Variants in SPAM1 observed in about 807,000 individuals in gnomAD.
SPAM1 encodes hyaluronidase PH-20.
Under a neutral mutation model 29.6 loss-of-function variants are expected in SPAM1, and 22 were observed. The observed-to-expected ratio is 0.74, with a 90% CI of 0.53 to 1.06. SPAM1 has a LOEUF of 1.06. Among genes scored for constraint, SPAM1 ranks in the 50% least tolerant of loss-of-function variants. The probability of loss-of-function intolerance (pLI) is 0.00; values close to 1 mark genes in which losing one functional copy is unlikely to be tolerated. For synonymous variants in SPAM1, 194 were observed against 204.6 expected (o/e 0.95, Z 0.44); for missense variants, 534 against 604.0 (o/e 0.88, Z 1.21).
intron 4 of SPAM1, among the ~76,000 whole-genome samples, chr7:123,958,700 C>T (rs1475458261): frequency 6.6e-6 from 1 of 151,788 alleles, no homozygotes. Context: ...GATCTCGTGG[C>T]ATGTGCCTAT....
chr7:123,946,920 CTTT>C (rs893863680), intron 1 of SPAM1, among the ~76,000 whole-genome samples: 1 of 152,046 alleles, frequency 6.6e-6, no homozygotes, highest in African/African-American at 2.4e-5. Flanking sequence ...AGGTGTGTAG[CTTT>C]TTTGAATTTG....
chr7:123,936,011 G>A (rs1808235422), intron 1 of SPAM1, among the ~76,000 whole-genome samples: 1 of 152,028 alleles, frequency 6.6e-6, no homozygotes, highest in African/African-American at 2.4e-5. Flanking sequence ...GCTAGGTATA[G>A]GCTTACTTAA....
At chr7:123,967,102 T>C (rs1792434758) in intron 5 of SPAM1, among the ~76,000 whole-genome samples, 2 of 151,920 alleles carry the variant, frequency 1.3e-5, no homozygotes, top group Admixed American at 6.6e-5. Context: ...TGGGCCTCGT[T>C]TATAACATAC....
intron 5 of SPAM1, among the ~76,000 whole-genome samples, chr7:123,966,571 T>C (rs11764894): frequency 0.2 from 30,951 of 151,990 alleles, 4,025 homozygotes; most frequent in African/African-American, 0.37. Flanking sequence ...ATATACACCA[T>C]GGAATACTAT....
intron 5 of SPAM1, among the ~76,000 whole-genome samples, chr7:123,966,948 A>G (rs567427933): frequency 6.6e-6 from 1 of 152,080 alleles, no homozygotes; most frequent in Non-Finnish European, 1.5e-5. Context: ...TCTGAGTGCT[A>G]TATCGTAGGG....
chr7:123,927,500 T>C (rs1807926637), intron 1 of SPAM1, among the ~76,000 whole-genome samples: 1 of 152,184 alleles, frequency 6.6e-6, no homozygotes, highest in African/African-American at 2.4e-5. Context: ...TAGGAATTTA[T>C]GCAGCTGCTT....
chr7:123,962,653 C>T (rs1313669796), downstream of SPAM1, among the ~76,000 whole-genome samples: 5 of 151,912 alleles, frequency 3.3e-5, 1 homozygote, highest in East Asian at 9.7e-4. Context: ...CAGGTCTTAA[C>T]ATTTAAGTCT....
chr7:123,951,479 C>T (rs933965698), intron 2 of SPAM1, among the ~76,000 whole-genome samples: 5 of 152,090 alleles, frequency 3.3e-5, no homozygotes, highest in African/African-American at 1.2e-4. Context: ...ATTCTCTGTT[C>T]CAAGGCTTTG....
At chr7:123,969,798 C>A (rs1792474206) in intron 5 of SPAM1, among the ~76,000 whole-genome samples, 1 of 151,102 alleles carries the variant, frequency 6.6e-6, no homozygotes, top group Admixed American at 6.6e-5. Flanking sequence ...TTTGACTCAC[C>A]CAGATTTTAA....
chr7:123,968,561 C>A (rs1388663159), intron 5 of SPAM1, among the ~76,000 whole-genome samples: 1 of 151,742 alleles, frequency 6.6e-6, no homozygotes, highest in African/African-American at 2.4e-5. Context: ...AGGTTTTGAG[C>A]ATGTTGTATT....
intron 1 of SPAM1, among the ~76,000 whole-genome samples, chr7:123,941,644 A>C (rs913262857): frequency 6.6e-6 from 1 of 152,168 alleles, no homozygotes; most frequent in African/African-American, 2.4e-5. Flanking sequence ...GGAGGTATGT[A>C]GCTTTTTACC....
At position 123,954,401 on chromosome 7, in the gene SPAM1, T is replaced by C. The variant is rs1305011353; in HGVS notation, c.831T>C (p.Tyr277=). 1.9e-6 allele frequency: 3 copies of C among 1,613,370 alleles called. No homozygotes were observed. Among genetic ancestry groups the C allele is most frequent in the Middle Eastern group, 1.6e-4 (1 of 6,080 alleles). ...TQQSPVAATL[Y]VRNRVREAIR... ...AGTCTCCTGTAGCTGCTACACTCTA[T>C]GTGCGCAATCGAGTTCGGGAAGCCA... The change falls in exon 3 of 5, where the codon TAT becomes TAC. Residue 277 remains tyrosine (Y), a synonymous_variant. Coordinates refer to ENST00000682466, the MANE Select transcript of SPAM1 (RefSeq NM_153189.3).
downstream of SPAM1, chr7:123,960,171 G>C: frequency 1.5e-6 from 1 of 649,122 alleles, no homozygotes; most frequent in Non-Finnish European, 2.4e-6. Flanking sequence ...TGAGTTCAGG[G>C]ATTTGTATTC....
intron 1 of SPAM1, among the ~76,000 whole-genome samples, chr7:123,945,560 A>G (rs1327846496): frequency 6.6e-6 from 1 of 152,150 alleles, no homozygotes; most frequent in African/African-American, 2.4e-5. Context: ...GCAGACCTTT[A>G]GACCTAAGAA....
chr7:123,952,220 C>A (rs1360492989), intron 2 of SPAM1, among the ~76,000 whole-genome samples: 1 of 151,998 alleles, frequency 6.6e-6, no homozygotes, highest in Non-Finnish European at 1.5e-5. Flanking sequence ...AGGGAAAATT[C>A]ATTATCTTCA....
rs373880231 is a variant in SPAM1, at chr7:123,954,966, A to G, written c.955-31A>G. On this transcript the variant is annotated intron_variant, in intron 3 of 4. Transcript: ENST00000682466. ...TGTATAGCACTTTCATTTCATTTTT[A>G]TCTGCTAACTCTTTCTGTCACATTT... 41 of 1,500,198 alleles carry G rather than the reference A, an allele frequency of 2.7e-5. No homozygotes were observed. In the African/African-American group the frequency reaches 4.3e-4, roughly 16 times the overall value. The allele number at this position is 1,500,198 out of a possible 1,614,324, so 92.9% of individuals were successfully genotyped here. A position where few individuals can be genotyped will look rare whatever the true frequency, so the allele number is the denominator to read the frequency against.
chr7:123,944,969 A>G (rs948745161), intron 1 of SPAM1, among the ~76,000 whole-genome samples: 5 of 152,106 alleles, frequency 3.3e-5, no homozygotes, highest in Non-Finnish European at 7.4e-5. Flanking sequence ...AAAATATTAA[A>G]TATAGACAAC....
At chr7:123,927,841 T>C (rs141107503) in intron 1 of SPAM1, among the ~76,000 whole-genome samples, 1 of 152,296 alleles carries the variant, frequency 6.6e-6, no homozygotes, top group Non-Finnish European at 1.5e-5. Flanking sequence ...TATGCATCTA[T>C]GTTGATTGTC....
intron 2 of SPAM1, among the ~76,000 whole-genome samples, chr7:123,950,664 T>C (rs1427066611): frequency 6.6e-6 from 1 of 152,174 alleles, no homozygotes; most frequent in African/African-American, 2.4e-5. Flanking sequence ...AATCCACCAA[T>C]GAGGAACACT....
Sources: allele counts gnomAD v4.1 joint callset (sites outside exome capture counted in the v4.1 genomes callset), GRCh38; gene constraint gnomAD v4.1.1; transcripts MANE v1.5; gene names NCBI Gene and HGNC (gene_info 2026-07-23, HGNC 2026-07-21).